The following REDIC1 variants were observed in gnomAD, a reference collection of about 807,000 sequenced individuals.
REDIC1 encodes the protein HEI10 Interacting Protein 1.
chr12:39,821,192 T>A, the REDIC1 span, among the ~76,000 whole-genome samples: 1 of 152,100 alleles, frequency 6.6e-6, no homozygotes, highest in Non-Finnish European at 1.5e-5. Context: ...GGCGGGCGGA[T>A]CATGAGGTCA....
the REDIC1 span, among the ~76,000 whole-genome samples, chr12:39,635,280 A>G: frequency 1.3e-5 from 2 of 152,186 alleles, no homozygotes; most frequent in Non-Finnish European, 1.5e-5. Context: ...TGACCCAGCA[A>G]TCCCATTACT....
the REDIC1 span, among the ~76,000 whole-genome samples, chr12:39,789,015 A>G: frequency 6.6e-6 from 1 of 152,162 alleles, no homozygotes; most frequent in African/African-American, 2.4e-5. Context: ...TTAACTTATT[A>G]AAGTCTGTTA....
At chr12:39,713,242 GT>G in the REDIC1 span, among the ~76,000 whole-genome samples, 9,326 of 87,580 alleles carry the variant, frequency 0.11, 1,819 homozygotes, top group African/African-American at 0.31. Context: ...GTGTATATAT[GT>G]GTACACACAC....
chr12:39,633,840 A>G, the REDIC1 span, among the ~76,000 whole-genome samples: 2 of 152,178 alleles, frequency 1.3e-5, no homozygotes, highest in Non-Finnish European at 2.9e-5. Context: ...TAAGCGTTAT[A>G]ATAGTCTCAG....
At chr12:39,739,343 A>G in the REDIC1 span, among the ~76,000 whole-genome samples, 5 of 152,212 alleles carry the variant, frequency 3.3e-5, no homozygotes, top group African/African-American at 4.8e-5. Context: ...AATTTAATAG[A>G]GGATTCATTC....
the REDIC1 span, among the ~76,000 whole-genome samples, chr12:39,644,237 T>C: frequency 1.3e-5 from 2 of 151,884 alleles, no homozygotes; most frequent in South Asian, 4.1e-4. Flanking sequence ...GAATAAATGT[T>C]AATACATATC....
chr12:39,670,107 G>A, the REDIC1 span, among the ~76,000 whole-genome samples: 1 of 152,174 alleles, frequency 6.6e-6, no homozygotes, highest in African/African-American at 2.4e-5. Context: ...TACCTCAGTT[G>A]GAAATGCAGA....
chr12:39,747,557 A>T, the REDIC1 span, among the ~76,000 whole-genome samples: 1 of 152,188 alleles, frequency 6.6e-6, no homozygotes, highest in Admixed American at 6.5e-5. Context: ...CAACATTCAA[A>T]TTCAGGAAAT....
At chr12:39,713,027 GTATA>G in the REDIC1 span, among the ~76,000 whole-genome samples, 472 of 140,590 alleles carry the variant, frequency 3.4e-3, 8 homozygotes, top group African/African-American at 0.012. Flanking sequence ...GTATATACGT[GTATA>G]TGTATATATA....
chr12:39,812,840 T>G, the REDIC1 span, among the ~76,000 whole-genome samples: 1 of 144,672 alleles, frequency 6.9e-6, no homozygotes, highest in Non-Finnish European at 1.5e-5. Flanking sequence ...ATTACCTTTT[T>G]TTTTTTTTTT....
At chr12:39,786,798 C>G in the REDIC1 span, among the ~76,000 whole-genome samples, 10 of 152,196 alleles carry the variant, frequency 6.6e-5, no homozygotes, top group African/African-American at 2.4e-4. Flanking sequence ...AATCCCCTCT[C>G]TCCTGTAACA....
the REDIC1 span, among the ~76,000 whole-genome samples, chr12:39,898,196 G>C: frequency 2.6e-5 from 4 of 152,062 alleles, no homozygotes; most frequent in South Asian, 8.3e-4. Flanking sequence ...TAAATATGAT[G>C]GGTTTAATGT....
At chr12:39,738,332 A>C in the REDIC1 span, among the ~76,000 whole-genome samples, 1 of 152,188 alleles carries the variant, frequency 6.6e-6, no homozygotes, top group Admixed American at 6.5e-5. Context: ...AATATTTGCC[A>C]CCCTTCTTTT....
chr12:39,855,549 G>C, the REDIC1 span, among the ~76,000 whole-genome samples: 4 of 152,132 alleles, frequency 2.6e-5, no homozygotes, highest in African/African-American at 9.7e-5. Flanking sequence ...CCTCATAGCT[G>C]TGAGCTCCAT....
At chr12:39,703,948 C>T in the REDIC1 span, among the ~76,000 whole-genome samples, 12 of 152,232 alleles carry the variant, frequency 7.9e-5, no homozygotes, top group Admixed American at 2.6e-4. Context: ...AAGACTTAAA[C>T]GTTAGACCTA....
the REDIC1 span, among the ~76,000 whole-genome samples, chr12:39,753,220 AG>A: frequency 6.6e-6 from 1 of 152,220 alleles, no homozygotes; most frequent in African/African-American, 2.4e-5. Context: ...AAAGGTTAAA[AG>A]AAGTAGCCTC....
the REDIC1 span, among the ~76,000 whole-genome samples, chr12:39,673,624 G>T: frequency 6.6e-6 from 1 of 151,982 alleles, no homozygotes; most frequent in Non-Finnish European, 1.5e-5. Flanking sequence ...CATTTCTACT[G>T]ATTATGCAGT....
the REDIC1 span, among the ~76,000 whole-genome samples, chr12:39,727,250 C>G: frequency 0.012 from 1,878 of 152,156 alleles, 12 homozygotes; most frequent in Middle Eastern, 0.031. Context: ...AATGGTATTG[C>G]CTAGGTTTTC....
chr12:39,853,993 C>G, the REDIC1 span, among the ~76,000 whole-genome samples: 1 of 152,022 alleles, frequency 6.6e-6, no homozygotes, highest in African/African-American at 2.4e-5. Context: ...TGTTTAAATA[C>G]CTAGCCCTTC....
Sources: gnomAD v4.1 joint callset for allele counts (sites outside exome capture counted in the v4.1 genomes callset) on GRCh38, gnomAD v4.1.1 for gene constraint, MANE v1.5 for transcripts, NCBI Gene and HGNC (gene_info 2026-07-23, HGNC 2026-07-21) for gene names.